The following SORCS3 variants were observed in gnomAD, a reference collection of about 807,000 sequenced individuals.
SORCS3 encodes sortilin related VPS10 domain containing receptor 3, also known as VPS10 domain-containing receptor SorCS3.
In SORCS3, 57 loss-of-function variants were observed where a neutral mutation model predicts 146.3. That is an observed-to-expected ratio of 0.39 (90% CI 0.31 to 0.49). The LOEUF is 0.49. Ranked by LOEUF, SORCS3 falls within the 20% of genes least tolerant of loss-of-function variation. The pLI is 0.92. For missense variants in SORCS3, 1,341 were observed against 1,575.5 expected (o/e 0.85, Z 2.52); for synonymous variants, 653 against 618.5 (o/e 1.06, Z -0.83).
intron 9 of SORCS3, among the ~76,000 whole-genome samples, chr10:105,149,400 G>T (rs1167048823): frequency 6.6e-6 from 1 of 152,100 alleles, no homozygotes; most frequent in Non-Finnish European, 1.5e-5. Context: ...AAACAACAAG[G>T]TCCCAGTTTT....
intron 1 of SORCS3, among the ~76,000 whole-genome samples, chr10:104,696,665 TAA>T (rs1480100636): frequency 0.084 from 796 of 9,470 alleles, 12 homozygotes; most frequent in Non-Finnish European, 0.12. Context: ...TACGTATATA[TAA>T]TATATAACAT....
intron 7 of SORCS3, among the ~76,000 whole-genome samples, chr10:105,126,938 A>G (rs1216586651): frequency 6.6e-6 from 1 of 152,040 alleles, no homozygotes; most frequent in African/African-American, 2.4e-5. Flanking sequence ...TACATCTTGT[A>G]TGTTGTTTGC....
intron 7 of SORCS3, among the ~76,000 whole-genome samples, chr10:105,121,401 C>G (rs1187077550): frequency 6.6e-6 from 1 of 152,086 alleles, no homozygotes; most frequent in African/African-American, 2.4e-5. Flanking sequence ...TAGGTAATCA[C>G]CCATGGTTGT....
rs751183145 is a variant in SORCS3 at position 105,164,308 on chromosome 10, A to T, written c.1738A>T (p.Ile580Phe). Reference protein sequence around the residue: ...APGLVVATGNIGPELSYTDIG... With the variant: ...APGLVVATGNFGPELSYTDIG... ...ATGATCTGCTTATGTTTCAGGCAAC[A>T]TTGGCCCGGAGCTCTCATATACTGA... is the stretch of plus-strand genomic sequence containing the variant. Residue 580 changes from isoleucine to phenylalanine, a missense_variant, in exon 12 of 27, where the codon ATT becomes TTT. Transcript: ENST00000369701. 6.2e-7 allele frequency: 1 copy of T among 1,613,156 alleles called. No individual in the cohort carries two copies. Among genetic ancestry groups the T allele is most frequent in the African/African-American group, 1.3e-5 (1 of 74,996 alleles).
rs1415183339 is a variant in SORCS3, at chr10:104,950,558, GCTGTTTTTATAGAT to G, written c.796-26773_796-26760del. On this transcript the variant is annotated intron_variant, in intron 3 of 26. Coordinates refer to ENST00000369701, the MANE Select transcript of SORCS3 (RefSeq NM_014978.3). The stretch of plus-strand genomic sequence containing the variant: ...GTATGATTGCGATTATAATTTTAAG[GCTGTTTTTATAGAT>G]CTGGTTTAGTTACAAAAATATTTTA... Among the ~76,000 whole-genome samples the G allele has an allele frequency of 3.3e-5, 5 of 152,270 alleles. No individual in the cohort carries two copies. In the East Asian group the frequency reaches 7.7e-4, roughly 24 times the overall value.
intron 2 of SORCS3, among the ~76,000 whole-genome samples, chr10:104,868,207 T>A (rs2133565952): frequency 6.6e-6 from 1 of 152,364 alleles, no homozygotes; most frequent in East Asian, 1.9e-4. Context: ...GGCTGCCATC[T>A]TGGGGAAATG....
At chr10:104,881,149 G>A (rs1022841789) in intron 2 of SORCS3, among the ~76,000 whole-genome samples, 1 of 152,210 alleles carries the variant, frequency 6.6e-6, no homozygotes, top group African/African-American at 2.4e-5. Context: ...ACAGATGCTA[G>A]CATACTGGTT....
chr10:105,203,463 T>G (rs535635775), intron 16 of SORCS3, among the ~76,000 whole-genome samples: 1 of 152,248 alleles, frequency 6.6e-6, no homozygotes, highest in African/African-American at 2.4e-5. Context: ...GCAGACTAAC[T>G]CCATTGAGGC....
At chr10:105,139,632 C>T in intron 8 of SORCS3, 146 bp downstream of exon 8, 1 of 596,550 alleles carries the variant, frequency 1.7e-6, no homozygotes, top group Non-Finnish European at 3.0e-6. Flanking sequence ...GTTTGGCCTC[C>T]CTTAGTGGTG....
chr10:104,957,841 T>A (rs1313950099), intron 3 of SORCS3, among the ~76,000 whole-genome samples: 1 of 152,154 alleles, frequency 6.6e-6, no homozygotes, highest in Non-Finnish European at 1.5e-5. Context: ...AATTGCTACC[T>A]TGGTCCCCTC....
intron 1 of SORCS3, among the ~76,000 whole-genome samples, chr10:104,709,669 G>C (rs1007998918): frequency 2.0e-5 from 3 of 152,166 alleles, no homozygotes; most frequent in Admixed American, 2.0e-4. Flanking sequence ...ACAACAGCTA[G>C]TATGTGGCAA....
chr10:105,240,786 A>T (rs1372932015), intron 20 of SORCS3, among the ~76,000 whole-genome samples: 1 of 151,968 alleles, frequency 6.6e-6, no homozygotes, highest in Non-Finnish European at 1.5e-5. Flanking sequence ...TGCCCCTTCT[A>T]AGTCAATCTC....
At chr10:105,041,216 C>G (rs73338302) in intron 4 of SORCS3, among the ~76,000 whole-genome samples, 1 of 148,834 alleles carries the variant, frequency 6.7e-6, no homozygotes, top group African/African-American at 2.4e-5. Flanking sequence ...ACTCAACCAG[C>G]AGAATCTCTT....
chr10:104,906,985 G>A (rs931947582), intron 2 of SORCS3, among the ~76,000 whole-genome samples: 14 of 151,990 alleles, frequency 9.2e-5, no homozygotes, highest in African/African-American at 1.9e-4. Flanking sequence ...TTGTTTACAC[G>A]CTTATAAACT....
intron 2 of SORCS3, among the ~76,000 whole-genome samples, chr10:104,847,835 C>T (rs532489662): frequency 4.1e-4 from 63 of 152,198 alleles, no homozygotes; most frequent in African/African-American, 1.4e-3. Context: ...AGAAAAGCAA[C>T]CAGACTGCAC....
intron 5 of SORCS3, among the ~76,000 whole-genome samples, chr10:105,055,659 G>T (rs776994398): frequency 6.6e-6 from 1 of 152,112 alleles, no homozygotes; most frequent in African/African-American, 2.4e-5. Context: ...TAATTTGGTA[G>T]CAAATGGCAC....
rs191791306 is a variant in SORCS3, at chr10:105,254,744, A to G, written c.3238-958A>G. Among the ~76,000 whole-genome samples, 341 of 152,016 alleles carry G rather than the reference A, an allele frequency of 2.2e-3. 2 individuals carry two copies. Among genetic ancestry groups the G allele is most frequent in the African/African-American group, 7.6e-3 (316 of 41,472 alleles). On this transcript the variant is annotated intron_variant, in intron 23 of 26. Transcript: ENST00000369701. ...AACCCAGGAGGGAGAGGTTGCAGCC[A>G]GTCAAGATCATGCCACTGCACTCCA...
chr10:105,003,839 A>G (rs545581132), intron 4 of SORCS3, among the ~76,000 whole-genome samples: 5 of 152,214 alleles, frequency 3.3e-5, no homozygotes, highest in African/African-American at 1.2e-4. Context: ...CTGGCAGCAC[A>G]CAAGGTGTTA....
intron 2 of SORCS3, among the ~76,000 whole-genome samples, chr10:104,896,229 A>T (rs1432308253): frequency 6.6e-6 from 1 of 152,162 alleles, no homozygotes; most frequent in Non-Finnish European, 1.5e-5. Flanking sequence ...TGGAGTTGTC[A>T]GTTCCCCTCT....
Sources: gnomAD v4.1 joint callset for allele counts (sites outside exome capture counted in the v4.1 genomes callset) on GRCh38, gnomAD v4.1.1 for gene constraint, MANE v1.5 for transcripts, NCBI Gene and HGNC (gene_info 2026-07-23, HGNC 2026-07-21) for gene names.